DOCK3: variants seen among roughly 807,000 people sequenced by gnomAD.
DOCK3 encodes the protein dedicator of cytokinesis 3, also known as dedicator of cytokinesis protein 3.
A neutral mutation model predicts 265.6 loss-of-function variants in DOCK3; 60 were observed. The ratio of observed to expected loss-of-function variants is 0.23; its 90% CI spans 0.18 to 0.28. The LOEUF (loss-of-function observed/expected upper bound fraction) is 0.28, where lower values mean the gene tolerates loss of function less well. Ranked by LOEUF, DOCK3 falls within the 10% of genes least tolerant of loss-of-function variation. DOCK3 has a pLI of 1.00. For synonymous variants in DOCK3, 881 were observed against 938.0 expected (o/e 0.94, Z 1.11); for missense variants, 1,981 against 2,594.3 (o/e 0.76, Z 5.14).
At chr3:50,821,032 A>T (rs961032410) in intron 2 of DOCK3, among the ~76,000 whole-genome samples, 5 of 151,004 alleles carry the variant, frequency 3.3e-5, no homozygotes, top group Non-Finnish European at 7.4e-5. Context: ...TTCCTTATAG[A>T]TTCTGGATAT....
At chr3:50,893,794 A>G (rs534244172) in intron 4 of DOCK3, among the ~76,000 whole-genome samples, 20 of 151,888 alleles carry the variant, frequency 1.3e-4, no homozygotes, top group Non-Finnish European at 2.8e-4. Context: ...AGTCCAAACA[A>G]CCCCTTTAAG....
intron 24 of DOCK3, among the ~76,000 whole-genome samples, chr3:51,272,527 T>G (rs1163183742): frequency 6.6e-6 from 1 of 150,470 alleles, no homozygotes; most frequent in Non-Finnish European, 1.5e-5. Context: ...GACCTCATGA[T>G]CCACCCGCCT....
intron 1 of DOCK3, among the ~76,000 whole-genome samples, chr3:50,748,245 G>A (rs988799805): frequency 6.6e-6 from 1 of 152,156 alleles, no homozygotes; most frequent in African/African-American, 2.4e-5. Flanking sequence ...TGCCTCAAGT[G>A]ATCTTTCCAC....
At chr3:51,314,331 A>G (rs1351983281) in intron 31 of DOCK3, among the ~76,000 whole-genome samples, 1 of 152,224 alleles carries the variant, frequency 6.6e-6, no homozygotes, top group East Asian at 1.9e-4. Flanking sequence ...GTGTAATGGC[A>G]CCATCAGAAA....
intron 4 of DOCK3, among the ~76,000 whole-genome samples, chr3:50,912,432 C>T (rs1368408781): frequency 6.6e-6 from 1 of 152,046 alleles, no homozygotes; most frequent in Non-Finnish European, 1.5e-5. Context: ...ACTACTATAA[C>T]CACTCCCTGG....
At chr3:51,007,552 T>C (rs1472736713) in intron 5 of DOCK3, among the ~76,000 whole-genome samples, 1 of 152,260 alleles carries the variant, frequency 6.6e-6, no homozygotes, top group Non-Finnish European at 1.5e-5. Flanking sequence ...TGCAAAAATA[T>C]TCTCCCATTC....
chr3:50,940,506 A>G (rs2076262415), intron 5 of DOCK3, among the ~76,000 whole-genome samples: 1 of 152,180 alleles, frequency 6.6e-6, no homozygotes, highest in Non-Finnish European at 1.5e-5. Flanking sequence ...AATTCCTAAA[A>G]CATTCCTGGC....
intron 2 of DOCK3, among the ~76,000 whole-genome samples, chr3:50,801,723 G>A (rs555713461): frequency 6.6e-6 from 1 of 152,304 alleles, no homozygotes; most frequent in South Asian, 2.1e-4. Context: ...CATTTGGTCT[G>A]TGGTGCAGTT....
intron 1 of DOCK3, among the ~76,000 whole-genome samples, chr3:50,738,948 C>G (rs2038826939): frequency 6.6e-6 from 1 of 152,114 alleles, no homozygotes; most frequent in African/African-American, 2.4e-5. Context: ...ACAAACAACT[C>G]TCTGTAATTT....
intron 1 of DOCK3, among the ~76,000 whole-genome samples, chr3:50,761,943 C>A (rs1424844937): frequency 1.3e-5 from 2 of 152,178 alleles, no homozygotes; most frequent in Non-Finnish European, 2.9e-5. Flanking sequence ...AGGATGAGTT[C>A]ATGTCCTTTG....
intron 5 of DOCK3, among the ~76,000 whole-genome samples, chr3:51,044,028 A>G (rs2109053716): frequency 6.6e-6 from 1 of 152,178 alleles, no homozygotes; most frequent in East Asian, 1.9e-4. Flanking sequence ...CAATTCCTAA[A>G]AGACCTAAAA....
At chr3:50,856,426 C>G (rs901965283) in intron 3 of DOCK3, among the ~76,000 whole-genome samples, 2 of 151,410 alleles carry the variant, frequency 1.3e-5, no homozygotes, top group Non-Finnish European at 2.9e-5. Flanking sequence ...TTGCATTTCT[C>G]TATGATCAGT....
In DOCK3 at chr3:51,237,402, TATTTGGAGAAGGAAGACTC is replaced by T. The variant is rs984644611; in HGVS notation, c.2002-87_2002-69del. 10 of 1,097,698 alleles carry T rather than the reference TATTTGGAGAAGGAAGACTC, an allele frequency of 9.1e-6. No homozygotes were observed. In the African/African-American group the frequency reaches 1.6e-4, roughly 17 times the overall value. 68.0% of individuals were successfully genotyped at this position (1,097,698 alleles called of 1,614,324 possible). A position where few individuals can be genotyped will look rare whatever the true frequency, so the allele number is the denominator to read the frequency against. On this transcript the variant is annotated intron_variant, in intron 20 of 52. Transcript: ENST00000266037. ...GAGGACAGCACTGACAATTTGCCAT[TATTTGGAGAAGGAAGACTC>T]TGTTTCCTGCTGGGGATAGATCTGA...
chr3:51,022,834 A>G (rs1274710021), intron 5 of DOCK3, among the ~76,000 whole-genome samples: 2 of 152,116 alleles, frequency 1.3e-5, no homozygotes, highest in Non-Finnish European at 2.9e-5. Context: ...TTAAGTTTTT[A>G]ATCTACCTTA....
intron 12 of DOCK3, among the ~76,000 whole-genome samples, chr3:51,187,333 A>G (rs1284027259): frequency 6.6e-6 from 1 of 152,192 alleles, no homozygotes; most frequent in East Asian, 1.9e-4. Context: ...TACCATTTGG[A>G]ATGGCTGTAT....
At chr3:51,336,938 A>T in intron 35 of DOCK3, 1 of 455,232 alleles carries the variant, frequency 2.2e-6, no homozygotes, top group Non-Finnish European at 4.4e-6. Flanking sequence ...GGGGAGACAG[A>T]TGCCTTCTAC....
At chr3:50,791,492 T>TG (rs2042476864) in intron 2 of DOCK3, among the ~76,000 whole-genome samples, 2 of 152,096 alleles carry the variant, frequency 1.3e-5, no homozygotes, top group African/African-American at 4.8e-5. Context: ...CAGGTTGGTC[T>TG]GGAACTCCTG....
At chr3:50,790,820 G>C (rs1200877013) in intron 2 of DOCK3, among the ~76,000 whole-genome samples, 1 of 152,106 alleles carries the variant, frequency 6.6e-6, no homozygotes. Context: ...ATTCTGACTG[G>C]TGTGAGATGG....
intron 31 of DOCK3, among the ~76,000 whole-genome samples, chr3:51,313,973 T>A (rs896403793): frequency 5.9e-5 from 9 of 152,240 alleles, no homozygotes; most frequent in African/African-American, 2.2e-4. Context: ...GAATTTTTTT[T>A]AATACCAGAT....
Sources: gnomAD v4.1 joint callset for allele counts (sites outside exome capture counted in the v4.1 genomes callset) on GRCh38, gnomAD v4.1.1 for gene constraint, MANE v1.5 for transcripts, NCBI Gene and HGNC (gene_info 2026-07-23, HGNC 2026-07-21) for gene names.